BCORL1: variants seen among roughly 807,000 people sequenced by gnomAD.
The protein encoded by BCORL1 is BCL-6 corepressor-like protein 1.
BCORL1 carries 7 observed loss-of-function variants against 87.6 expected under a neutral mutation model. That is an observed-to-expected ratio of 0.08 (90% CI 0.05 to 0.15). The LOEUF is 0.15. Ranked by LOEUF, BCORL1 falls within the 10% of genes least tolerant of loss-of-function variation. The pLI, the probability that BCORL1 is intolerant of heterozygous loss-of-function variation, is 1.00. For synonymous variants in BCORL1, 591 were observed against 634.4 expected (o/e 0.93, Z 1.03); for missense variants, 1,215 against 1,499.7 (o/e 0.81, Z 3.13).
At chrX:129,990,583 T>C (rs934264889) in intron 1 of BCORL1, among the ~76,000 whole-genome samples, 4 of 111,799 alleles carry the variant, frequency 3.6e-5, no homozygotes, top group Non-Finnish European at 5.6e-5. Context: ...CCTATTATGT[T>C]ATAGTAAACA....
At chrX:129,994,867 G>A (rs1285147228) in intron 1 of BCORL1, among the ~76,000 whole-genome samples, 1 of 111,880 alleles carries the variant, frequency 8.9e-6, no homozygotes, top group Non-Finnish European at 1.9e-5. Context: ...AGTTTGGGAT[G>A]AACAGCAGAA....
chrX:129,999,991 G>A (rs557502465), intron 1 of BCORL1, among the ~76,000 whole-genome samples: 6 of 109,884 alleles, frequency 5.5e-5, no homozygotes, highest in Non-Finnish European at 9.5e-5. Context: ...CTAATGCTTA[G>A]TAGAGAGAAA....
intron 8 of BCORL1, among the ~76,000 whole-genome samples, chrX:130,032,738 TA>T (rs1196978350): frequency 9.8e-5 from 5 of 50,973 alleles, no homozygotes; most frequent in African/African-American, 3.9e-4. Flanking sequence ...CTCTTCTATT[TA>T]TTTATTTATT....
At chrX:130,043,880 C>T (rs1198440551) in intron 11 of BCORL1, among the ~76,000 whole-genome samples, 2 of 90,895 alleles carry the variant, frequency 2.2e-5, no homozygotes, top group African/African-American at 8.3e-5. Flanking sequence ...CGCCATTCTC[C>T]TGCCTCAGCC....
intron 2 of BCORL1, among the ~76,000 whole-genome samples, chrX:130,005,625 T>G (rs1928425331): frequency 9.0e-6 from 1 of 110,524 alleles, no homozygotes; most frequent in South Asian, 3.8e-4. Flanking sequence ...AATTTTTTTT[T>G]TGTTTTTTGA....
chrX:130,042,762 A>G (rs766220400), intron 11 of BCORL1, among the ~76,000 whole-genome samples: 34 of 111,406 alleles, frequency 3.1e-4, no homozygotes, highest in Admixed American at 8.6e-4. Context: ...ACTTGAGGTC[A>G]GGAACTGGAG....
chrX:130,001,035 A>G (rs777976368), intron 1 of BCORL1, among the ~76,000 whole-genome samples: 59 of 111,057 alleles, frequency 5.3e-4, no homozygotes, highest in Non-Finnish European at 7.5e-4. Flanking sequence ...AGTAGTTACT[A>G]TACGTAAGGT....
chrX:129,990,865 A>C (rs537722024), intron 1 of BCORL1, among the ~76,000 whole-genome samples: 1 of 111,543 alleles, frequency 9.0e-6, no homozygotes, highest in East Asian at 2.8e-4. Context: ...GCCATGGGTG[A>C]CATTTTTAAA....
chrX:130,034,772 T>G, intron 9 of BCORL1, 96 bp downstream of exon 9: 1 of 646,981 alleles, frequency 1.5e-6, no homozygotes, highest in Non-Finnish European at 2.1e-6. Context: ...GAACCCAGGC[T>G]GGCCTCCCTC....
Position 129,989,444 on chromosome X carries a change from C to CTTTTTTT in BCORL1, c.-45+6713_-45+6719dup, listed in dbSNP as rs55654985. ...TACAGGCGTGAGCCACCGCACCCGT[C>CTTTTTTT]TTTTTTTTTTTTTTTTTTTTTTTTT... On this transcript the variant is annotated intron_variant, in intron 1 of 13. Coordinates refer to ENST00000540052, the MANE Select transcript of BCORL1 (RefSeq NM_001379451.1). 1.7e-4 allele frequency among the ~76,000 whole-genome samples: 3 copies of CTTTTTTT among 17,776 alleles called. 1 individual carries two copies. Among genetic ancestry groups the CTTTTTTT allele is most frequent in the Non-Finnish European group, 2.9e-4 (3 of 10,428 alleles). The allele number at this position is 17,776 out of a possible 115,157, so 15.4% of individuals were successfully genotyped here. A position where few individuals can be genotyped will look rare whatever the true frequency, so the allele number is the denominator to read the frequency against.
intron 2 of BCORL1, among the ~76,000 whole-genome samples, chrX:130,012,049 C>T (rs933866985): frequency 4.5e-5 from 5 of 111,984 alleles, no homozygotes; most frequent in East Asian, 5.6e-4. Context: ...GAATAGGTGA[C>T]GATTCAGATT....
rs1932405704 is a variant in BCORL1 at position 130,056,609 on chromosome X, T to C, written c.*473T>C. ...TTAGTATTTAATTTGTATTGTTTCA[T>C]TGGTTTCTGATAAGTCTGTATCACT... On this transcript the variant is annotated 3_prime_UTR_variant, in exon 14 of 14. Coordinates refer to ENST00000540052, the MANE Select transcript of BCORL1 (RefSeq NM_001379451.1). 8.7e-6 allele frequency: 1 copy of C among 115,376 alleles called. No individual in the cohort carries two copies. Among genetic ancestry groups the C allele is most frequent in the African/African-American group, 3.2e-5 (1 of 31,147 alleles). 9.5% of individuals were successfully genotyped at this position (115,376 alleles called of 1,213,427 possible). A position where few individuals can be genotyped will look rare whatever the true frequency, so the allele number is the denominator to read the frequency against.
chrX:129,980,987 G>A (rs895708324), upstream of BCORL1: 1 of 109,981 alleles, frequency 9.1e-6, no homozygotes, highest in African/African-American at 3.3e-5. Context: ...GTAGATCGGC[G>A]GGGCCGCGAG....
intron 11 of BCORL1, among the ~76,000 whole-genome samples, chrX:130,046,523 TAC>T (rs1931761485): frequency 9.2e-6 from 1 of 109,088 alleles, no homozygotes; most frequent in Admixed American, 9.7e-5. Context: ...TAGCTGGGAT[TAC>T]AGACATGCAC....
chrX:130,043,522 C>T (rs865881296), intron 11 of BCORL1, among the ~76,000 whole-genome samples: 60 of 108,656 alleles, frequency 5.5e-4, no homozygotes, highest in Non-Finnish European at 9.9e-4. Flanking sequence ...GCTTTTCCCT[C>T]CACTGCTCTG....
intron 11 of BCORL1, among the ~76,000 whole-genome samples, chrX:130,045,683 T>C (rs935898004): frequency 3.1e-4 from 35 of 111,288 alleles, no homozygotes; most frequent in Non-Finnish European, 5.7e-4. Flanking sequence ...AGTGGCGCAG[T>C]CTGGGCTCAC....
rs1039162676 is a variant in BCORL1 at position 130,007,213 on chromosome X, A to G, written c.86+1896A>G. On this transcript the variant is annotated intron_variant, in intron 2 of 13. Coordinates refer to ENST00000540052, the MANE Select transcript of BCORL1 (RefSeq NM_001379451.1). Reference sequence around the variant, plus strand: ...TTTTCTTAAGCCATTAGTGCCTGATAGCTTAATGTTCTCTGTACTGAGGAA... The same window carrying G: ...TTTTCTTAAGCCATTAGTGCCTGATGGCTTAATGTTCTCTGTACTGAGGAA... Among the ~76,000 whole-genome samples the G allele has an allele frequency of 3.6e-5, 4 of 112,346 alleles. No homozygotes were observed. The Admixed American group carries it at 3.8e-4, about 11-fold the overall frequency.
chrX:130,012,608 G>A lies in BCORL1; in HGVS notation c.117G>A (p.Thr39=), dbSNP rs767522778. 18 of 1,210,003 alleles carry A rather than the reference G, an allele frequency of 1.5e-5. No homozygotes were observed. The highest frequency in any genetic ancestry group is 6.5e-5 in the Admixed American group (3 of 45,810). The change falls in exon 3 of 14, where the codon ACG becomes ACA. Residue 39 remains threonine, a synonymous_variant. Coordinates refer to ENST00000540052, the MANE Select transcript of BCORL1 (RefSeq NM_001379451.1). ...CACCTCTTTCTGATGAGGAGTCAAC[G>A]ACAGGCGACTGCCAGCACTTTGGAT... ...RRAPLSDEES[T]TGDCQHFGSQ... is the part of the protein sequence containing the mutation.
chrX:130,020,237 AT>A lies in BCORL1; in HGVS notation c.3442-746del, dbSNP rs1327811833. The stretch of plus-strand genomic sequence containing the variant: ...GATTGTGTGTTACCCTGGACAAGTC[AT>A]TCAACCCTTTGTCTTGGAGCCTCCG... On this transcript the variant is annotated intron_variant, in intron 4 of 13. Coordinates refer to ENST00000540052, the MANE Select transcript of BCORL1 (RefSeq NM_001379451.1). Among the ~76,000 whole-genome samples the A allele has an allele frequency of 2.7e-5, 3 of 112,288 alleles. No individual in the cohort carries two copies. In the East Asian group the frequency reaches 8.4e-4, roughly 31 times the overall value.
Sources: allele counts gnomAD v4.1 joint callset (sites outside exome capture counted in the v4.1 genomes callset), GRCh38; gene constraint gnomAD v4.1.1; transcripts MANE v1.5; gene names NCBI Gene and HGNC (gene_info 2026-07-23, HGNC 2026-07-21).